Variants in CFAP54 observed in about 807,000 individuals in gnomAD.
CFAP54 encodes cilia and flagella associated protein 54, also known as cilia- and flagella-associated protein 54.
In CFAP54, 290 loss-of-function variants were observed where a neutral mutation model predicts 370.4. That is an observed-to-expected ratio of 0.78 (90% CI 0.71 to 0.86). CFAP54 has a LOEUF of 0.86. Among genes scored for constraint, CFAP54 ranks in the 40% least tolerant of loss-of-function variants. The probability of loss-of-function intolerance (pLI) is 0.00; values close to 1 mark genes in which losing one functional copy is unlikely to be tolerated. For synonymous variants in CFAP54, 1,206 were observed against 1,236.5 expected (o/e 0.98, Z 0.52); for missense variants, 3,399 against 3,528.7 (o/e 0.96, Z 0.93).
At chr12:96,641,954 G>A (rs1317393834) in intron 32 of CFAP54, among the ~76,000 whole-genome samples, 1 of 151,384 alleles carries the variant, frequency 6.6e-6, no homozygotes, top group African/African-American at 2.4e-5. Context: ...GGGAGGGATA[G>A]CATTAGGAGA....
At chr12:96,640,931 T>C (rs1380286151) in intron 32 of CFAP54, among the ~76,000 whole-genome samples, 11 of 151,980 alleles carry the variant, frequency 7.2e-5, no homozygotes, top group Admixed American at 7.2e-4. Flanking sequence ...TAATTCAAGA[T>C]GGATTAAAGA....
intron 38 of CFAP54, among the ~76,000 whole-genome samples, chr12:96,659,743 A>G (rs1172422090): frequency 6.6e-6 from 1 of 152,172 alleles, no homozygotes; most frequent in Non-Finnish European, 1.5e-5. Flanking sequence ...CATTGCATAC[A>G]GTTGTACTGT....
intron 26 of CFAP54, among the ~76,000 whole-genome samples, chr12:96,599,603 G>T (rs1390883706): frequency 6.6e-6 from 1 of 152,128 alleles, no homozygotes; most frequent in African/African-American, 2.4e-5. Context: ...CACAATGGTT[G>T]AACTAATTTA....
intron 66 of CFAP54, among the ~76,000 whole-genome samples, chr12:96,857,596 A>C (rs942564232): frequency 6.6e-6 from 1 of 152,148 alleles, no homozygotes; most frequent in Non-Finnish European, 1.5e-5. Flanking sequence ...ATCTCTACCC[A>C]AATCTCATCT....
chr12:96,629,398 A>G (rs1177548713), intron 30 of CFAP54, among the ~76,000 whole-genome samples: 3 of 151,520 alleles, frequency 2.0e-5, no homozygotes, highest in African/African-American at 7.3e-5. Flanking sequence ...CCACCTCCCG[A>G]GTTCACACCA....
At chr12:96,753,651 T>C in intron 55 of CFAP54, 92 bp from the exon 56 acceptor site, 7 of 1,240,144 alleles carry the variant, frequency 5.6e-6, no homozygotes, top group South Asian at 3.2e-5. Flanking sequence ...TTGATAGATT[T>C]CATTACTGTG....
intron 60 of CFAP54, among the ~76,000 whole-genome samples, chr12:96,778,834 G>C (rs1457218689): frequency 6.6e-6 from 1 of 152,104 alleles, no homozygotes; most frequent in African/African-American, 2.4e-5. Flanking sequence ...ATGGCCGGGC[G>C]TGATGGCTCA....
chr12:96,648,580 C>CTT (rs11303164), intron 34 of CFAP54, among the ~76,000 whole-genome samples: 30 of 58,670 alleles, frequency 5.1e-4, no homozygotes, highest in African/African-American at 8.9e-4. Flanking sequence ...AAACAGGGTT[C>CTT]TTTTTTTTTT....
At chr12:96,753,591 T>G in intron 55 of CFAP54, 152 bp from the exon 56 acceptor site, 2 of 672,132 alleles carry the variant, frequency 3.0e-6, no homozygotes, top group South Asian at 5.3e-5. Context: ...GTATTATATG[T>G]CTTTAAAACA....
At chr12:96,633,194 G>A (rs372885428) in intron 32 of CFAP54, among the ~76,000 whole-genome samples, 44 of 152,116 alleles carry the variant, frequency 2.9e-4, no homozygotes, top group Middle Eastern at 3.4e-3. Flanking sequence ...TTTCCTTTTC[G>A]TGTTTAGCCT....
At position 96,650,457 on chromosome 12, in the gene CFAP54, C is replaced by G. The variant is rs369076315; in HGVS notation, c.4872+385C>G. On this transcript the variant is annotated intron_variant, in intron 35 of 67. Transcript: ENST00000524981. ...TCTCTCTTGGGGGTACCATAGATCT[C>G]TCTTTTCTTTCTAGGACAGGGAAAG... Among the ~76,000 whole-genome samples the G allele has an allele frequency of 7.9e-5, 12 of 152,266 alleles. No individual in the cohort carries two copies. In the East Asian group the frequency reaches 1.9e-3, roughly 24 times the overall value.
intron 14 of CFAP54, among the ~76,000 whole-genome samples, chr12:96,546,763 A>G (rs1955645072): frequency 6.8e-6 from 1 of 147,202 alleles, no homozygotes; most frequent in South Asian, 2.5e-4. Context: ...TGGGAGGCAG[A>G]GGTTACAGTG....
intron 66 of CFAP54, among the ~76,000 whole-genome samples, chr12:96,829,346 A>T (rs572294962): frequency 6.6e-6 from 1 of 152,178 alleles, no homozygotes; most frequent in African/African-American, 2.4e-5. Context: ...TTCACAGAAT[A>T]ACCCCTATTA....
At chr12:96,501,175 G>C (rs967879165) in intron 2 of CFAP54, 1 of 362,638 alleles carries the variant, frequency 2.8e-6, no homozygotes, top group African/African-American at 2.1e-5. Context: ...GCTGGCTGTG[G>C]ATGGGCAGGA....
chr12:96,554,389 A>G (rs1420764295), intron 16 of CFAP54, 79 bp downstream of exon 16: 1 of 1,414,836 alleles, frequency 7.1e-7, no homozygotes, highest in Non-Finnish European at 9.2e-7. Flanking sequence ...TAGGTAAGTA[A>G]AGCATGACTT....
intron 66 of CFAP54, among the ~76,000 whole-genome samples, chr12:96,831,637 A>C (rs1365987256): frequency 1.3e-5 from 2 of 152,152 alleles, no homozygotes; most frequent in African/African-American, 4.8e-5. Flanking sequence ...TTCTCTGAGG[A>C]AGTGACATTT....
Position 96,792,396 on chromosome 12 carries a change from A to G in CFAP54, c.8747A>G (p.Asp2916Gly). 6.5e-7 allele frequency: 1 copy of G among 1,535,882 alleles called. No homozygotes were observed. The highest frequency in any genetic ancestry group is 8.7e-7 in the Non-Finnish European group (1 of 1,146,756). ...CCTGTTTCAGGCTCATCTTGTGTGG[A>G]CATAACGCCAATAGAAATGGTAACG... ...FKPVSGSSCV[D>G]ITPIEMVTQA... The change falls in exon 63 of 68, where the codon GAC becomes GGC. Residue 2916 changes from aspartate to glycine, a missense_variant. Transcript: ENST00000524981.
chr12:96,507,220 A>G (rs1861575), intron 4 of CFAP54, 121 bp downstream of exon 4: 411,968 of 766,394 alleles, frequency 0.54, 114,701 homozygotes, highest in East Asian at 0.76. Flanking sequence ...TAGGATGAAT[A>G]TATTTTTTTC....
At chr12:96,783,745 G>A (rs1958602133) in intron 60 of CFAP54, among the ~76,000 whole-genome samples, 1 of 152,204 alleles carries the variant, frequency 6.6e-6, no homozygotes, top group African/African-American at 2.4e-5. Flanking sequence ...AATTAGCCGG[G>A]CATGGTGGCG....
Sources: gnomAD v4.1 joint callset for allele counts (sites outside exome capture counted in the v4.1 genomes callset) on GRCh38, gnomAD v4.1.1 for gene constraint, MANE v1.5 for transcripts, NCBI Gene and HGNC (gene_info 2026-07-23, HGNC 2026-07-21) for gene names.